Variants in RPS29 observed in about 807,000 individuals in gnomAD.
The protein encoded by RPS29 is small ribosomal subunit protein uS14.
For synonymous variants in RPS29, 37 were observed against 26.9 expected (o/e 1.37, Z -1.16); for missense variants, 60 against 75.7 (o/e 0.79, Z 0.77).
At chr14:49,583,429 G>C, downstream of RPS29, 1 of 351,438 alleles carries the variant, frequency 2.8e-6, no homozygotes, top group Non-Finnish European at 5.3e-6. Flanking sequence ...TGAGGCAGGA[G>C]GCTTGAACCT....
chr14:49,585,711 A>G (rs1250783190), intron 2 of RPS29: 1 of 515,352 alleles, frequency 1.9e-6, no homozygotes, highest in Non-Finnish European at 3.5e-6. Context: ...TGGCTAAGCT[A>G]TCTAGGTAAA....
exon 3 of RPS29, chr14:49,572,503 T>C (rs1881078368): frequency 6.6e-6 from 1 of 152,256 alleles, no homozygotes; most frequent in African/African-American, 2.4e-5. Flanking sequence ...TCAAGTACCC[T>C]GTAGTGTCAT....
At chr14:49,581,333 C>G (rs768499515), downstream of RPS29, among the ~76,000 whole-genome samples, 19 of 152,228 alleles carry the variant, frequency 1.2e-4, no homozygotes, top group Non-Finnish European at 2.6e-4. Context: ...ATCAAAGGCA[C>G]ACAATACAGT....
At chr14:49,586,573 T>G (rs575274600), upstream of RPS29, 204 of 557,766 alleles carry the variant, frequency 3.7e-4, 1 homozygote, top group South Asian at 4.0e-3. Flanking sequence ...TGCGCCGGTA[T>G]CCGACCGCCG....
chr14:49,581,967 C>T (rs866523858), downstream of RPS29, among the ~76,000 whole-genome samples: 3 of 141,750 alleles, frequency 2.1e-5, no homozygotes, highest in Non-Finnish European at 4.5e-5. Flanking sequence ...GGCTGCAGTG[C>T]GCCACTGCAC....
At chr14:49,588,927 T>G (rs1341972858), upstream of RPS29, among the ~76,000 whole-genome samples, 1 of 139,926 alleles carries the variant, frequency 7.1e-6, no homozygotes, top group Non-Finnish European at 1.5e-5. Flanking sequence ...AGTCTCGCTC[T>G]GTGACCCAGG....
At chr14:49,573,310 A>G (rs1881101630) in exon 3 of RPS29, 1 of 151,984 alleles carries the variant, frequency 6.6e-6, no homozygotes, top group Non-Finnish European at 1.5e-5. Context: ...TCCACTAAAA[A>G]TATAAAAATT....
upstream of RPS29, chr14:49,598,708 C>A: frequency 1.4e-6 from 1 of 699,634 alleles, no homozygotes; most frequent in South Asian, 1.5e-5. Context: ...ACCACCGCTG[C>A]CAGCTGCGCG....
At chr14:49,585,085 G>A (rs1881480947) in intron 2 of RPS29, among the ~76,000 whole-genome samples, 1 of 151,370 alleles carries the variant, frequency 6.6e-6, no homozygotes, top group African/African-American at 2.4e-5. Context: ...AACATTTTGG[G>A]TTGGCCGGGC....
exon 3 of RPS29, chr14:49,577,567 A>G: frequency 3.1e-6 from 2 of 637,066 alleles, no homozygotes; most frequent in Non-Finnish European, 5.6e-6. Context: ...GTTGTGGACC[A>G]GGAACTTCCA....
chr14:49,587,769 G>A (rs890324129), upstream of RPS29, among the ~76,000 whole-genome samples: 1 of 152,212 alleles, frequency 6.6e-6, no homozygotes, highest in Non-Finnish European at 1.5e-5. Context: ...CATGAAGTAC[G>A]AAAGGAGCCA....
upstream of RPS29, among the ~76,000 whole-genome samples, chr14:49,589,727 G>A (rs1041288099): frequency 1.3e-5 from 2 of 152,214 alleles, no homozygotes; most frequent in African/African-American, 4.8e-5. Flanking sequence ...AAAGGCAAAT[G>A]CATATGTATG....
At chr14:49,579,751 T>C (rs1470249606), downstream of RPS29, among the ~76,000 whole-genome samples, 1 of 152,212 alleles carries the variant, frequency 6.6e-6, no homozygotes, top group Non-Finnish European at 1.5e-5. Flanking sequence ...CACTTACTCC[T>C]GCCCTCAAGT....
At chr14:49,575,987 C>T (rs1195894455) in exon 3 of RPS29, 1 of 152,202 alleles carries the variant, frequency 6.6e-6, no homozygotes, top group Non-Finnish European at 1.5e-5. Flanking sequence ...ATACCTGGAA[C>T]TAGCACACAT....
At chr14:49,598,145 A>G in intron 1 of RPS29, 1 of 456,908 alleles carries the variant, frequency 2.2e-6, no homozygotes, top group Non-Finnish European at 3.9e-6. Context: ...CAGACACAAT[A>G]AAATGTTTAA....
At chr14:49,582,033 A>AAAAAAAAAT (rs1881354698), downstream of RPS29, among the ~76,000 whole-genome samples, 1 of 140,294 alleles carries the variant, frequency 7.1e-6, no homozygotes. Context: ...AAAAAAAAAA[A>AAAAAAAAAT]ACTTAGTGAC....
At chr14:49,580,590 G>A (rs550946952), downstream of RPS29, among the ~76,000 whole-genome samples, 9 of 152,302 alleles carry the variant, frequency 5.9e-5, no homozygotes, top group East Asian at 7.7e-4. Flanking sequence ...AAAAATTGGC[G>A]GCCAGGAGCG....
At chr14:49,572,784 C>G (rs1239976945) in exon 3 of RPS29, 11 of 152,098 alleles carry the variant, frequency 7.2e-5, no homozygotes, top group Admixed American at 7.2e-4. Context: ...AAGAGATTTC[C>G]CTGGCCTGGC....
intron 2 of RPS29, chr14:49,577,880 A>G (rs751528961): frequency 1.3e-6 from 2 of 1,553,826 alleles, no homozygotes; most frequent in Admixed American, 1.9e-5. Context: ...GGACCCATAA[A>G]AAGTGAAAAA....
Sources: allele counts gnomAD v4.1 joint callset (sites outside exome capture counted in the v4.1 genomes callset), GRCh38; gene constraint gnomAD v4.1.1; transcripts MANE v1.5; gene names NCBI Gene and HGNC (gene_info 2026-07-23, HGNC 2026-07-21).